Variants in TACC2 observed in about 807,000 individuals in gnomAD.
The protein encoded by TACC2 is transforming acidic coiled-coil containing protein 2, also known as transforming acidic coiled-coil-containing protein 2.
TACC2 carries 137 observed loss-of-function variants against 227.3 expected under a neutral mutation model. That is an observed-to-expected ratio of 0.60 (90% CI 0.52 to 0.69). TACC2 has a LOEUF of 0.69. TACC2 is among the 30% of genes least tolerant of loss of function. The pLI is 0.00. For synonymous variants in TACC2, 1,523 were observed against 1,487.5 expected (o/e 1.02, Z -0.55); for missense variants, 3,470 against 3,694.4 (o/e 0.94, Z 1.57).
intron 3 of TACC2, among the ~76,000 whole-genome samples, chr10:122,081,681 A>T (rs1030040768): frequency 2.0e-5 from 3 of 152,168 alleles, no homozygotes; most frequent in Non-Finnish European, 2.9e-5. Flanking sequence ...AAGTTCCCTG[A>T]GTGTTTCACT....
At chr10:122,063,793 CAT>C (rs1452726303) in intron 3 of TACC2, among the ~76,000 whole-genome samples, 7 of 150,254 alleles carry the variant, frequency 4.7e-5, no homozygotes. Context: ...ATTATAAAAA[CAT>C]ATTCAAATTA....
chr10:122,033,006 A>C (rs11200356), intron 2 of TACC2: 1 of 818,592 alleles, frequency 1.2e-6, no homozygotes, highest in Non-Finnish European at 1.7e-6. Flanking sequence ...CAACAAAAAC[A>C]AAAAAACCCC....
At chr10:122,230,796 G>T (rs899809998) in intron 16 of TACC2, among the ~76,000 whole-genome samples, 1 of 148,890 alleles carries the variant, frequency 6.7e-6, no homozygotes, top group Non-Finnish European at 1.5e-5. Flanking sequence ...ACCTTTGAGG[G>T]TTTTTTTTTT....
chr10:122,241,487 C>T, intron 18 of TACC2: 1 of 164,374 alleles, frequency 6.1e-6, no homozygotes, highest in Middle Eastern at 3.0e-3. Context: ...GATGGTGTTT[C>T]ACCATGTTGC....
At position 122,082,649 on chromosome 10, in the gene TACC2, T is replaced by C. The variant is rs138597000; in HGVS notation, c.149T>C (p.Ile50Thr). 4.2e-5 allele frequency: 68 copies of C among 1,603,386 alleles called. No individual in the cohort carries two copies. The highest frequency in any genetic ancestry group is 5.4e-5 in the Non-Finnish European group (63 of 1,173,736). ...AATGAAACATTAAATATTTTCAGCATTGGCAGCGTTGGGCTTGGAGGCTTC... is the reference window on the plus strand; with the variant it reads ...AATGAAACATTAAATATTTTCAGCACTGGCAGCGTTGGGCTTGGAGGCTTC... ...GSPDHRDASS[I>T]GSVGLGGFCT... Residue 50 changes from isoleucine to threonine, a missense_variant and splice_region_variant, in exon 4 of 23, where the codon ATT becomes ACT. This residue lies in a region of TACC2 where 405 missense variants were observed against 389.6 expected (regional missense o/e 1.04). Transcript: ENST00000369005.
intron 5 of TACC2, chr10:122,126,819 C>G (rs1369055816): frequency 6.6e-6 from 1 of 152,130 alleles, no homozygotes; most frequent in Non-Finnish European, 1.5e-5. Flanking sequence ...TCCTGGGTTT[C>G]TGTGGCAGTT....
At chr10:122,237,588 G>C in intron 17 of TACC2, 50 bp downstream of exon 17, 2 of 1,576,296 alleles carry the variant, frequency 1.3e-6, no homozygotes. Flanking sequence ...TTATAAATAC[G>C]TATGCTCGTG....
rs1225213002 is a variant in TACC2, at chr10:122,050,182, TA to T, written c.34-253del. 6.6e-6 allele frequency among the ~76,000 whole-genome samples: 1 copy of T among 152,200 alleles called. No individual in the cohort carries two copies. The highest frequency in any genetic ancestry group is 1.5e-5 in the Non-Finnish European group (1 of 68,024). On this transcript the variant is annotated intron_variant, in intron 2 of 22. Transcript: ENST00000369005. This position sits in a 1 kb window ranked among gnomAD's most constrained non-coding sequence, Gnocchi z 4.6. ...GTGTCCCCAGTTTTGGTTTTTCTAC[TA>T]AAGCATTCAGTTGGAACTGCTTGTT... is the stretch of plus-strand genomic sequence containing the variant.
chr10:122,173,606 T>C (rs890531025), intron 7 of TACC2, among the ~76,000 whole-genome samples: 1 of 152,178 alleles, frequency 6.6e-6, no homozygotes, highest in Non-Finnish European at 1.5e-5. Context: ...TGTGGTCATA[T>C]GTGGCACTGT....
At chr10:122,038,917 A>G (rs2135962237) in intron 2 of TACC2, among the ~76,000 whole-genome samples, 1 of 152,250 alleles carries the variant, frequency 6.6e-6, no homozygotes, top group South Asian at 2.1e-4. Flanking sequence ...GGGAAGTGAA[A>G]TGGCTTAGAA....
chr10:122,253,815 T>C (rs1004764088), intron 22 of TACC2, among the ~76,000 whole-genome samples, 176 bp from the exon 23 acceptor site: 3 of 152,168 alleles, frequency 2.0e-5, no homozygotes, highest in African/African-American at 4.8e-5. Context: ...TTGTGGAAGA[T>C]CACACAGCTA....
At chr10:122,163,825 C>T in intron 7 of TACC2, 1 of 1,467,158 alleles carries the variant, frequency 6.8e-7, no homozygotes, top group Non-Finnish European at 9.0e-7. Context: ...AGTGCAGCAA[C>T]CCCGGCCGCC....
chr10:122,060,511 C>T (rs1394006834), intron 3 of TACC2, among the ~76,000 whole-genome samples: 1 of 152,250 alleles, frequency 6.6e-6, no homozygotes, highest in African/African-American at 2.4e-5. Context: ...GCCTTTGAGG[C>T]CACAGACTAT....
At chr10:122,014,533 C>T (rs750754484) in intron 1 of TACC2, among the ~76,000 whole-genome samples, 11 of 152,196 alleles carry the variant, frequency 7.2e-5, no homozygotes, top group South Asian at 4.2e-4. Context: ...ATCTTGTCTC[C>T]GATTCCTTAG....
chr10:122,102,278 T>A (rs1383284082), intron 5 of TACC2, among the ~76,000 whole-genome samples: 1 of 152,136 alleles, frequency 6.6e-6, no homozygotes, highest in Non-Finnish European at 1.5e-5. Context: ...GGGTAGTACA[T>A]TTTCAAAGTT....
At chr10:122,219,343 A>T (rs1163295477) in intron 11 of TACC2, among the ~76,000 whole-genome samples, 1 of 151,992 alleles carries the variant, frequency 6.6e-6, no homozygotes, top group East Asian at 1.9e-4. Context: ...ATCTGGGCTG[A>T]GCTGGGGATA....
At chr10:121,991,942 T>G (rs2134846690) in intron 1 of TACC2, among the ~76,000 whole-genome samples, 1 of 152,248 alleles carries the variant, frequency 6.6e-6, no homozygotes, top group Admixed American at 6.5e-5. Context: ...AGAAAGAGCT[T>G]GTGCAGGGAA....
chr10:122,243,467 A>G (rs1441071472), intron 19 of TACC2, among the ~76,000 whole-genome samples: 1 of 152,246 alleles, frequency 6.6e-6, no homozygotes, highest in Non-Finnish European at 1.5e-5. Flanking sequence ...TTCCATTCAA[A>G]GGAGCTTCAA....
chr10:122,009,956 A>G (rs529980493), intron 1 of TACC2, among the ~76,000 whole-genome samples: 18 of 152,316 alleles, frequency 1.2e-4, no homozygotes, highest in African/African-American at 4.3e-4. Flanking sequence ...AGAGGTTTTA[A>G]AAAGCTATTT....
Sources: gnomAD v4.1 joint callset for allele counts (sites outside exome capture counted in the v4.1 genomes callset) on GRCh38, gnomAD v4.1.1 for gene constraint, gnomAD v4.1.1 regional missense constraint, Gnocchi (gnomAD v3.1) non-coding constraint, MANE v1.5 for transcripts, NCBI Gene and HGNC (gene_info 2026-07-23, HGNC 2026-07-21) for gene names.